The following KLHL14 variants were observed in gnomAD, a reference collection of about 807,000 sequenced individuals.
KLHL14 encodes the protein kelch like family member 14.
A neutral mutation model predicts 64.3 loss-of-function variants in KLHL14; 22 were observed. That is an observed-to-expected ratio of 0.34 (90% CI 0.24 to 0.49). The LOEUF is 0.49. Among genes scored for constraint, KLHL14 ranks in the 20% least tolerant of loss-of-function variants. KLHL14 has a pLI of 0.99. For synonymous variants in KLHL14, 322 were observed against 333.4 expected, an observed-to-expected ratio of 0.97 and a Z score of 0.37; for missense variants, 661 against 789.0, an observed-to-expected ratio of 0.84 and a Z score of 1.94.
intron 2 of KLHL14, among the ~76,000 whole-genome samples, chr18:32,766,793 T>C (rs976213916): frequency 4.6e-5 from 7 of 152,098 alleles, no homozygotes; most frequent in Non-Finnish European, 8.8e-5. Flanking sequence ...TTTATATTAA[T>C]TTGAGTATTT....
intron 2 of KLHL14, among the ~76,000 whole-genome samples, chr18:32,754,051 C>G (rs1455936437): frequency 6.6e-6 from 1 of 152,208 alleles, no homozygotes; most frequent in Admixed American, 6.5e-5. Flanking sequence ...TGCTACTGAG[C>G]AAGCTGGTGG....
intron 2 of KLHL14, among the ~76,000 whole-genome samples, chr18:32,761,431 A>G (rs2050313607): frequency 7.4e-6 from 1 of 135,584 alleles, no homozygotes; most frequent in African/African-American, 2.9e-5. Context: ...GGAAGGTGCC[A>G]AGCTCTTTTC....
chr18:32,720,826 T>A (rs942910511), intron 3 of KLHL14, among the ~76,000 whole-genome samples: 2 of 152,124 alleles, frequency 1.3e-5, no homozygotes, highest in Admixed American at 1.3e-4. Flanking sequence ...GAAATGAATG[T>A]CTCTGGACCA....
intron 3 of KLHL14, among the ~76,000 whole-genome samples, chr18:32,722,880 A>C (rs1479486647): frequency 6.6e-6 from 1 of 152,138 alleles, no homozygotes; most frequent in African/African-American, 2.4e-5. Flanking sequence ...GCTTGAGCCT[A>C]GGAGTTGGAG....
intron 2 of KLHL14, among the ~76,000 whole-genome samples, chr18:32,746,750 T>A (rs369449217): frequency 2.6e-5 from 4 of 152,262 alleles, no homozygotes; most frequent in African/African-American, 9.6e-5. Flanking sequence ...TATTCTGCAA[T>A]GTTCTAAGAA....
intron 3 of KLHL14, among the ~76,000 whole-genome samples, chr18:32,736,408 T>C (rs1054586800): frequency 6.6e-6 from 1 of 152,146 alleles, no homozygotes; most frequent in African/African-American, 2.4e-5. Context: ...TTGTCTCTCC[T>C]TCTTTGTCCA....
At chr18:32,691,832 TCCA>T (rs1159548457) in intron 4 of KLHL14, among the ~76,000 whole-genome samples, 1 of 152,170 alleles carries the variant, frequency 6.6e-6, no homozygotes, top group East Asian at 1.9e-4. Context: ...GTGATTTTCC[TCCA>T]CTTTTCTTTT....
At chr18:32,756,827 T>G (rs1179637779) in intron 2 of KLHL14, among the ~76,000 whole-genome samples, 1 of 152,240 alleles carries the variant, frequency 6.6e-6, no homozygotes, top group Admixed American at 6.5e-5. Context: ...CTTCTCTACA[T>G]GACTAGAAGT....
chr18:32,717,172 T>C (rs970348476), intron 3 of KLHL14, among the ~76,000 whole-genome samples: 1 of 152,376 alleles, frequency 6.6e-6, no homozygotes, highest in South Asian at 2.1e-4. Flanking sequence ...GAAAACGTTA[T>C]AAATTCCTGT....
chr18:32,745,900 G>C (rs1319526610), intron 2 of KLHL14, among the ~76,000 whole-genome samples: 1 of 152,136 alleles, frequency 6.6e-6, no homozygotes, highest in Admixed American at 6.5e-5. Context: ...ATTAAGAGAA[G>C]CTGAACTAAC....
chr18:32,702,160 G>A (rs1447398558), intron 3 of KLHL14, among the ~76,000 whole-genome samples: 2 of 151,910 alleles, frequency 1.3e-5, no homozygotes, highest in Middle Eastern at 3.4e-3. Context: ...TTCTAGGAAC[G>A]GACAAAATAA....
chr18:32,707,529 A>G (rs2049996462), intron 3 of KLHL14, among the ~76,000 whole-genome samples: 1 of 152,226 alleles, frequency 6.6e-6, no homozygotes, highest in Admixed American at 6.5e-5. Flanking sequence ...CTCTGTACCT[A>G]AATTGTTGGT....
intron 3 of KLHL14, among the ~76,000 whole-genome samples, chr18:32,733,388 AG>A (rs1305693103): frequency 2.0e-4 from 25 of 125,358 alleles, no homozygotes; most frequent in African/African-American, 8.2e-4. Flanking sequence ...AGAGAGAGAA[AG>A]GAGAGAGAGA....
At chr18:32,677,416 T>C (rs1166957020) in intron 7 of KLHL14, 86 bp from the exon 8 acceptor site, 6 of 1,220,792 alleles carry the variant, frequency 4.9e-6, no homozygotes, top group East Asian at 2.5e-5. Flanking sequence ...AAAACAAGTC[T>C]CAAGCCAAAA....
intron 2 of KLHL14, among the ~76,000 whole-genome samples, chr18:32,746,601 G>A (rs2050225085): frequency 6.6e-6 from 1 of 152,188 alleles, no homozygotes; most frequent in South Asian, 2.1e-4. Context: ...CATGAGAAAA[G>A]TTTTCATGAA....
chr18:32,769,592 G>C, intron 2 of KLHL14, 53 bp downstream of exon 2: 4 of 474,366 alleles, frequency 8.4e-6, no homozygotes, highest in South Asian at 4.8e-5. Flanking sequence ...CCTCCCTCCG[G>C]CCTCTCTGGC....
rs190507958 is a variant in KLHL14 at position 32,744,141 on chromosome 18, A to T, written c.948-2092T>A. 3.0e-3 allele frequency: 459 copies of T among 152,298 alleles called. 7 individuals carry two copies. The highest frequency in any genetic ancestry group is 0.011 in the African/African-American group (447 of 41,548). The allele number at this position is 152,298 out of a possible 1,614,324, so 9.4% of individuals were successfully genotyped here. A position where few individuals can be genotyped will look rare whatever the true frequency, so the allele number is the denominator to read the frequency against. On this transcript the variant is annotated intron_variant, in intron 2 of 8. Coordinates refer to ENST00000359358, the MANE Select transcript of KLHL14 (RefSeq NM_020805.3). ...GGTTGTGACAAAAGCAACATAATTA[A>T]ATATATTTTAGTATATAAACAAATT...
chr18:32,678,589 C>T (rs1342137397), intron 7 of KLHL14, among the ~76,000 whole-genome samples: 2 of 152,092 alleles, frequency 1.3e-5, no homozygotes, highest in Non-Finnish European at 2.9e-5. Context: ...CAGGTTCTGA[C>T]CTTGGAGGCA....
chr18:32,696,216 C>T (rs1347697051), intron 3 of KLHL14, among the ~76,000 whole-genome samples: 1 of 152,166 alleles, frequency 6.6e-6, no homozygotes, highest in African/African-American at 2.4e-5. Context: ...CTGTCAGGAA[C>T]ATCACAAATA....
Sources: allele counts gnomAD v4.1 joint callset (sites outside exome capture counted in the v4.1 genomes callset), GRCh38; gene constraint gnomAD v4.1.1; transcripts MANE v1.5; gene names NCBI Gene and HGNC (gene_info 2026-07-23, HGNC 2026-07-21).